SULF2: variants seen among roughly 807,000 people sequenced by gnomAD.
SULF2 encodes sulfatase 2.
SULF2 carries 52 observed loss-of-function variants against 107.7 expected under a neutral mutation model. That is an observed-to-expected ratio of 0.48 (90% CI 0.39 to 0.61). The LOEUF is 0.61. Among genes scored for constraint, SULF2 ranks in the 20% least tolerant of loss-of-function variants. The pLI, the probability that SULF2 is intolerant of heterozygous loss-of-function variation, is 0.00. For synonymous variants in SULF2, 460 were observed against 464.3 expected (o/e 0.99, Z 0.12); for missense variants, 993 against 1,177.3 (o/e 0.84, Z 2.29).
intron 2 of SULF2, among the ~76,000 whole-genome samples, chr20:47,746,992 A>ATAT (rs1555853868): frequency 2.9e-4 from 26 of 90,374 alleles, no homozygotes; most frequent in Non-Finnish European, 4.2e-4. Context: ...TAAAAAAAAA[A>ATAT]AAATATATAT....
intron 11 of SULF2, among the ~76,000 whole-genome samples, chr20:47,667,662 CAT>C (rs1054620729): frequency 2.0e-5 from 3 of 152,230 alleles, no homozygotes; most frequent in Admixed American, 1.3e-4. Context: ...CCACCTGACA[CAT>C]GTCTGGCCCC....
chr20:47,775,251 T>G (rs1179770657), intron 1 of SULF2, among the ~76,000 whole-genome samples: 3 of 152,230 alleles, frequency 2.0e-5, no homozygotes, highest in Admixed American at 1.3e-4. Flanking sequence ...CTTTCATTTT[T>G]GCACTCTTAG....
At chr20:47,717,569 C>T (rs1039014345) in intron 3 of SULF2, among the ~76,000 whole-genome samples, 1 of 152,162 alleles carries the variant, frequency 6.6e-6, no homozygotes, top group Non-Finnish European at 1.5e-5. Flanking sequence ...TCCTCCTCTC[C>T]GATGTGGCTC....
intron 2 of SULF2, among the ~76,000 whole-genome samples, chr20:47,739,730 G>A (rs1441599421): frequency 6.6e-6 from 1 of 152,238 alleles, no homozygotes; most frequent in South Asian, 2.1e-4. Context: ...AGCCTACTTT[G>A]TTCACTGCCT....
chr20:47,664,043 C>G, intron 15 of SULF2, 87 bp downstream of exon 15: 7 of 1,436,590 alleles, frequency 4.9e-6, no homozygotes, highest in Non-Finnish European at 6.8e-6. Context: ...GACTTCTTTC[C>G]TTTTCTTCTG....
At chr20:47,777,380 A>G (rs1014565178) in intron 1 of SULF2, among the ~76,000 whole-genome samples, 2 of 151,222 alleles carry the variant, frequency 1.3e-5, no homozygotes, top group Non-Finnish European at 2.9e-5. Context: ...GTCCTGTCCT[A>G]TAGTCCCACT....
At chr20:47,728,309 G>T (rs771131913) in intron 3 of SULF2, among the ~76,000 whole-genome samples, 4 of 152,202 alleles carry the variant, frequency 2.6e-5, no homozygotes, top group Non-Finnish European at 5.9e-5. Context: ...AGAGAAGGCT[G>T]CCATTGTGAA....
chr20:47,773,125 G>A (rs75511315), intron 1 of SULF2, among the ~76,000 whole-genome samples: 12,070 of 152,196 alleles, frequency 0.079, 962 homozygotes, highest in African/African-American at 0.21. Context: ...AGCTATGTGC[G>A]ACTCTTCCAA....
intron 7 of SULF2, among the ~76,000 whole-genome samples, chr20:47,681,023 G>A (rs896006345): frequency 6.6e-6 from 1 of 152,226 alleles, no homozygotes; most frequent in Non-Finnish European, 1.5e-5. Flanking sequence ...GCCAGTGGGA[G>A]TCAGCCTCAG....
chr20:47,738,540 C>A (rs2089800450), intron 2 of SULF2, among the ~76,000 whole-genome samples: 3 of 152,212 alleles, frequency 2.0e-5, no homozygotes. Context: ...TTGTGGCTCC[C>A]ATATTTCCCA....
At chr20:47,730,736 C>G (rs570619842) in intron 3 of SULF2, among the ~76,000 whole-genome samples, 49 of 152,366 alleles carry the variant, frequency 3.2e-4, no homozygotes, top group African/African-American at 1.2e-3. Flanking sequence ...GCGTGAGCCA[C>G]TGTGCCCGGC....
chr20:47,684,427 C>T lies in SULF2; in HGVS notation c.888+4G>A, dbSNP rs200401698. On this transcript the variant is annotated splice_donor_region_variant and intron_variant, in intron 6 of 20. Transcript: ENST00000688720. Reference sequence around the variant, plus strand: ...CCACCAAGAGGCATGCAGCGGGCGCCTACCGTCTCCATGGAGTCGTCCACC... The same window carrying T: ...CCACCAAGAGGCATGCAGCGGGCGCTTACCGTCTCCATGGAGTCGTCCACC... The T allele has an allele frequency of 2.5e-3, 3,992 of 1,607,164 alleles. 12 individuals are homozygous for T. Among genetic ancestry groups the T allele is most frequent in the Non-Finnish European group, 3.0e-3 (3,522 of 1,176,464 alleles).
At chr20:47,748,458 C>G in intron 2 of SULF2, among the ~76,000 whole-genome samples, 1 of 152,254 alleles carries the variant, frequency 6.6e-6, no homozygotes, top group Non-Finnish European at 1.5e-5. Context: ...ACAAATATCT[C>G]TTTCTCCTTC....
intron 10 of SULF2, among the ~76,000 whole-genome samples, chr20:47,675,073 A>G (rs779233054): frequency 3.3e-5 from 5 of 152,218 alleles, no homozygotes; most frequent in African/African-American, 1.2e-4. Context: ...TGGCCCCAGC[A>G]AAGAGGTCAT....
At chr20:47,715,176 C>T (rs2089075558) in intron 3 of SULF2, among the ~76,000 whole-genome samples, 1 of 151,472 alleles carries the variant, frequency 6.6e-6, no homozygotes, top group Admixed American at 6.6e-5. Context: ...AGCGATCTGC[C>T]CACCTTGGCC....
chr20:47,758,768 G>A (rs1600664496), intron 1 of SULF2, among the ~76,000 whole-genome samples: 1 of 152,336 alleles, frequency 6.6e-6, no homozygotes, highest in East Asian at 1.9e-4. Flanking sequence ...TAAAACAAGA[G>A]AGCATGAGCG....
In SULF2 at chr20:47,663,503, G is replaced by T; in HGVS notation, c.2177C>A (p.Thr726Lys). ...GTGCTGGTTGTCGTGGGTGAAGCACGTGAGGCCTGGCATGCTGCACGTGTC... is the reference window on the plus strand; with the variant it reads ...GTGCTGGTTGTCGTGGGTGAAGCACTTGAGGCCTGGCATGCTGCACGTGTC... ...NNDTCSMPGL[T>K]CFTHDNQHWQ... The change falls in exon 16 of 21, where the codon ACG becomes AAG. Residue 726 changes from threonine to lysine, a missense_variant. By Grantham distance (78) the Thr-to-Lys change is moderately conservative. Transcript: ENST00000688720. The T allele has an allele frequency of 6.2e-7, 1 of 1,612,066 alleles. No homozygotes were observed. Among genetic ancestry groups the T allele is most frequent in the Non-Finnish European group, 8.5e-7 (1 of 1,180,016 alleles).
In SULF2 at chr20:47,690,868, CA is replaced by C. The variant is rs35385474; in HGVS notation, c.568-574del. On this transcript the variant is annotated intron_variant, in intron 4 of 20. Coordinates refer to ENST00000688720, the MANE Select transcript of SULF2 (RefSeq NM_001387048.1). Reference sequence around the variant, plus strand: ...TGGGTGACAAAGCAAGACTCTGACTCAAAAAAAAAAAAAAAGATATTAAAAG... The same window carrying C: ...TGGGTGACAAAGCAAGACTCTGACTCAAAAAAAAAAAAAAGATATTAAAAG... Among the ~76,000 whole-genome samples the C allele has an allele frequency of 6.2e-3, 843 of 135,420 alleles. 8 individuals carry two copies. The highest frequency in any genetic ancestry group is 0.016 in the African/African-American group (590 of 37,152). 88.8% of individuals were successfully genotyped at this position (135,420 alleles called of 152,430 possible).
At chr20:47,781,949 TG>T (rs542185325) in intron 1 of SULF2, among the ~76,000 whole-genome samples, 3 of 152,200 alleles carry the variant, frequency 2.0e-5, no homozygotes, top group Non-Finnish European at 2.9e-5. Context: ...ATCTGAGCTG[TG>T]GGTCCAGCTG....
Sources: gnomAD v4.1 joint callset for allele counts (sites outside exome capture counted in the v4.1 genomes callset) on GRCh38, gnomAD v4.1.1 for gene constraint, MANE v1.5 for transcripts, NCBI Gene and HGNC (gene_info 2026-07-23, HGNC 2026-07-21) for gene names.